The following FHIT variants were observed in gnomAD, a reference collection of about 807,000 sequenced individuals.
The protein encoded by FHIT is fragile histidine triad diadenosine triphosphatase, also known as bis(5'-adenosyl)-triphosphatase.
A neutral mutation model predicts 17.9 loss-of-function variants in FHIT; 19 were observed. The ratio of observed to expected loss-of-function variants is 1.06; its 90% CI spans 0.74 to 1.56. FHIT has a LOEUF of 1.56. Ranked by LOEUF, FHIT falls within the 40% of genes most tolerant of loss-of-function variation. The pLI is 0.00. For synonymous variants in FHIT, 81 were observed against 69.7 expected (o/e 1.16, Z -0.81); for missense variants, 248 against 189.2 (o/e 1.31, Z -1.82).
chr3:60,165,944 G>A (rs1701153184), intron 5 of FHIT, among the ~76,000 whole-genome samples: 2 of 151,896 alleles, frequency 1.3e-5, no homozygotes, highest in Non-Finnish European at 1.5e-5. Flanking sequence ...GACATCTATG[G>A]CATTTTTTTA....
intron 7 of FHIT, among the ~76,000 whole-genome samples, chr3:59,929,363 GTTTTTTTTTTTT>G (rs869243844): frequency 3.0e-5 from 2 of 67,052 alleles, no homozygotes; most frequent in East Asian, 4.2e-4. Flanking sequence ...TGTTTTTTTG[GTTTTTTTTTTTT>G]TTTTTTTTTT....
chr3:61,225,379 G>A (rs1223650875), intron 1 of FHIT, among the ~76,000 whole-genome samples: 3 of 152,140 alleles, frequency 2.0e-5, no homozygotes, highest in Non-Finnish European at 4.4e-5. Context: ...ACCTTAACTG[G>A]ATTAAATTGA....
intron 1 of FHIT, among the ~76,000 whole-genome samples, chr3:61,242,867 G>C (rs1198546029): frequency 6.6e-6 from 1 of 152,172 alleles, no homozygotes; most frequent in Admixed American, 6.5e-5. Flanking sequence ...GATCCATCTA[G>C]TGCAAGGTTG....
At chr3:59,898,403 T>C (rs1305646213) in intron 8 of FHIT, among the ~76,000 whole-genome samples, 2 of 151,906 alleles carry the variant, frequency 1.3e-5, no homozygotes, top group African/African-American at 4.8e-5. Context: ...GATTTGATAG[T>C]ATTTCACCAT....
chr3:60,323,849 G>T (rs1709544336), intron 5 of FHIT, among the ~76,000 whole-genome samples: 1 of 152,136 alleles, frequency 6.6e-6, no homozygotes, highest in Admixed American at 6.5e-5. Flanking sequence ...TCTGAGCCTG[G>T]GGCCTGCCCA....
chr3:60,443,388 A>C (rs1467352654), intron 5 of FHIT, among the ~76,000 whole-genome samples: 1 of 152,166 alleles, frequency 6.6e-6, no homozygotes, highest in Non-Finnish European at 1.5e-5. Flanking sequence ...TTGCCCATTC[A>C]GTATGATATT....
Position 59,844,191 on chromosome 3 carries a change from G to A in FHIT, c.348+78155C>T, listed in dbSNP as rs560947288. On this transcript the variant is annotated intron_variant, in intron 8 of 9. Coordinates refer to ENST00000492590, the MANE Select transcript of FHIT (RefSeq NM_002012.4). ...ACCTCATTTCTTTATAAATTACTCT[G>A]TCTCAGGTATTCTTTTATAGCAATG... Among the ~76,000 whole-genome samples, 16 of 152,178 alleles carry A rather than the reference G, an allele frequency of 1.1e-4. No homozygotes were observed. The South Asian group carries it at 3.1e-3, about 30-fold the overall frequency.
At chr3:61,226,266 G>C (rs2039968477) in intron 1 of FHIT, among the ~76,000 whole-genome samples, 1 of 152,136 alleles carries the variant, frequency 6.6e-6, no homozygotes, top group African/African-American at 2.4e-5. Flanking sequence ...CAGGCCTTTT[G>C]ATAACGGGAA....
intron 5 of FHIT, among the ~76,000 whole-genome samples, chr3:60,037,395 T>C (rs947154512): frequency 6.6e-6 from 1 of 151,568 alleles, no homozygotes; most frequent in Non-Finnish European, 1.5e-5. Context: ...TCTTTCTTTT[T>C]TTTTTTTTTT....
intron 2 of FHIT, among the ~76,000 whole-genome samples, chr3:61,078,224 C>T (rs1189255211): frequency 6.6e-6 from 1 of 152,152 alleles, no homozygotes; most frequent in East Asian, 1.9e-4. Flanking sequence ...TTCCAGCTAA[C>T]CTAACAACTT....
chr3:60,441,709 T>TAC (rs1444850170), intron 5 of FHIT, among the ~76,000 whole-genome samples: 15 of 104,354 alleles, frequency 1.4e-4, no homozygotes, highest in Admixed American at 2.7e-4. Context: ...TATTTATATA[T>TAC]ATATATATAT....
intron 4 of FHIT, among the ~76,000 whole-genome samples, chr3:60,543,627 A>G (rs1166454967): frequency 6.6e-6 from 1 of 152,168 alleles, no homozygotes; most frequent in African/African-American, 2.4e-5. Context: ...GTCATAGTTT[A>G]TAATTAGTTA....
intron 4 of FHIT, among the ~76,000 whole-genome samples, chr3:60,621,950 A>G (rs1045069783): frequency 3.7e-4 from 57 of 152,238 alleles, no homozygotes; most frequent in African/African-American, 1.3e-3. Context: ...CACAGCTAGT[A>G]TGCCAATGAG....
At chr3:59,994,186 AATAAG>A (rs1255291202) in intron 7 of FHIT, among the ~76,000 whole-genome samples, 1 of 152,112 alleles carries the variant, frequency 6.6e-6, no homozygotes, top group Non-Finnish European at 1.5e-5. Flanking sequence ...GCCTTACAAA[AATAAG>A]ATAAGCCATG....
At chr3:59,903,161 T>G (rs991905834) in intron 8 of FHIT, among the ~76,000 whole-genome samples, 34 of 152,178 alleles carry the variant, frequency 2.2e-4, no homozygotes, top group Non-Finnish European at 4.1e-4. Flanking sequence ...GAAAACTTTA[T>G]GGTAAATGGA....
intron 5 of FHIT, among the ~76,000 whole-genome samples, chr3:60,121,019 C>G (rs542705931): frequency 6.0e-4 from 91 of 152,192 alleles, no homozygotes; most frequent in African/African-American, 2.1e-3. Context: ...TCTGCCTGAC[C>G]TCCTGAAACC....
chr3:60,922,711 C>G (rs545491112), intron 3 of FHIT, among the ~76,000 whole-genome samples: 1 of 152,204 alleles, frequency 6.6e-6, no homozygotes, highest in Non-Finnish European at 1.5e-5. Context: ...CTGCTTTCCT[C>G]TCCAATCACC....
intron 5 of FHIT, among the ~76,000 whole-genome samples, chr3:60,500,004 T>G (rs34074099): frequency 0.11 from 17,371 of 152,274 alleles, 1,071 homozygotes; most frequent in South Asian, 0.21. Flanking sequence ...AGGATCGTTA[T>G]CTGACTATTC....
intron 4 of FHIT, among the ~76,000 whole-genome samples, chr3:60,697,951 A>C (rs879948112): frequency 5.9e-5 from 9 of 152,206 alleles, no homozygotes; most frequent in Non-Finnish European, 1.0e-4. Flanking sequence ...CAGTAAAAGA[A>C]AAGACAATCA....
Sources: gnomAD v4.1 joint callset for allele counts (sites outside exome capture counted in the v4.1 genomes callset) on GRCh38, gnomAD v4.1.1 for gene constraint, MANE v1.5 for transcripts, NCBI Gene and HGNC (gene_info 2026-07-23, HGNC 2026-07-21) for gene names.